ENPP3: variants seen among roughly 807,000 people sequenced by gnomAD.
ENPP3 encodes ectonucleotide pyrophosphatase/phosphodiesterase family member 3.
A neutral mutation model predicts 117.8 loss-of-function variants in ENPP3; 104 were observed. That is an observed-to-expected ratio of 0.88 (90% confidence interval 0.75 to 1.04). The LOEUF is 1.04. Ranked by LOEUF, ENPP3 falls within the 50% of genes least tolerant of loss-of-function variation. The pLI is 0.00. For missense variants in ENPP3, 1,026 were observed against 1,051.9 expected, an observed-to-expected ratio of 0.98 and a Z score of 0.34; for synonymous variants, 380 against 349.9, an observed-to-expected ratio of 1.09 and a Z score of -0.96.
chr6:131,652,972 G>T, intron 5 of ENPP3, 81 bp downstream of exon 5: 1 of 918,664 alleles, frequency 1.1e-6, no homozygotes, highest in Non-Finnish European at 1.8e-6. Flanking sequence ...GACGCAGAGA[G>T]GAATTTCCCC....
chr6:131,687,569 C>T (rs1350275110), intron 14 of ENPP3, among the ~76,000 whole-genome samples: 1 of 152,016 alleles, frequency 6.6e-6, no homozygotes, highest in Non-Finnish European at 1.5e-5. Context: ...GAGCAAACAG[C>T]CTACAGAATG....
rs759486461 is a variant in ENPP3 at position 131,722,400 on chromosome 6, C to G, written c.1741C>G (p.Gln581Glu). Residue 581 changes from glutamine (Q) to glutamate (E), a missense_variant, in exon 18 of 25, where the codon CAA (glutamine) becomes GAA (glutamate). Gln to Glu is a conservative substitution (Grantham distance 29). Transcript: ENST00000357639. ...ESLDCFCPHL[Q>E]NSTQLEQVNQ... Reference sequence around the variant, plus strand: ...TCTTGACTGTTTCTGCCCTCACCTACAAAATGTAAGTAACAACTTCATGCA... The same window carrying G: ...TCTTGACTGTTTCTGCCCTCACCTAGAAAATGTAAGTAACAACTTCATGCA... The G allele has an allele frequency of 1.1e-5, 17 of 1,612,590 alleles. No homozygotes were observed. The highest frequency in any genetic ancestry group is 1.4e-5 in the Non-Finnish European group (17 of 1,179,468).
At chr6:131,688,818 G>C (rs553825045) in intron 14 of ENPP3, among the ~76,000 whole-genome samples, 1 of 150,800 alleles carries the variant, frequency 6.6e-6, no homozygotes, top group Non-Finnish European at 1.5e-5. Flanking sequence ...TTGGGAGGCC[G>C]AGGCAGGTGG....
intron 6 of ENPP3, among the ~76,000 whole-genome samples, chr6:131,666,805 G>C (rs1300892330): frequency 6.6e-6 from 1 of 152,170 alleles, no homozygotes; most frequent in East Asian, 1.9e-4. Flanking sequence ...GTTGACATCT[G>C]CACGTTGGAC....
chr6:131,683,228 C>A, intron 12 of ENPP3, 66 bp downstream of exon 12: 3 of 860,548 alleles, frequency 3.5e-6, no homozygotes, highest in Non-Finnish European at 5.7e-6. Context: ...AAATCATACA[C>A]AAATAATAGT....
intron 11 of ENPP3, among the ~76,000 whole-genome samples, chr6:131,678,907 C>CCCTTTCTT (rs1778931816): frequency 1.4e-5 from 1 of 71,720 alleles, no homozygotes; most frequent in Non-Finnish European, 3.0e-5. Context: ...CTTTCTTTCT[C>CCCTTTCTT]TCTTTCTTTC....
chr6:131,642,609 G>A (rs1221512003), intron 2 of ENPP3, among the ~76,000 whole-genome samples: 5 of 152,114 alleles, frequency 3.3e-5, no homozygotes, highest in African/African-American at 1.2e-4. Context: ...GTCTCACTTT[G>A]TTGCTCAGGC....
At chr6:131,725,522 A>G (rs923567084) in intron 19 of ENPP3, among the ~76,000 whole-genome samples, 1 of 152,120 alleles carries the variant, frequency 6.6e-6, no homozygotes, top group African/African-American at 2.4e-5. Flanking sequence ...CACCTCCTAA[A>G]GGTCCCACCT....
chr6:131,684,258 A>G (rs1203872765), intron 12 of ENPP3, among the ~76,000 whole-genome samples: 1 of 152,248 alleles, frequency 6.6e-6, no homozygotes, highest in East Asian at 1.9e-4. Flanking sequence ...GAGCATCCAG[A>G]TAATGGGAAA....
At chr6:131,652,781 C>T (rs957809336) in intron 4 of ENPP3, 50 bp from the exon 5 acceptor site, 1 of 1,587,860 alleles carries the variant, frequency 6.3e-7, no homozygotes. Flanking sequence ...TCTTTAGTTA[C>T]TCTGTCTGTG....
rs985239394 is a variant in ENPP3 at position 131,662,847 on chromosome 6, C to T, written c.562+4427C>T. Among the ~76,000 whole-genome samples, 42 of 152,036 alleles carry T rather than the reference C, an allele frequency of 2.8e-4. 1 individual carries two copies. Among genetic ancestry groups the T allele is most frequent in the Admixed American group, 2.0e-4 (3 of 15,254 alleles). ...TGAGGTGTCTTTCCATTTGTTTATA[C>T]GTCTTCCTTAACTTCTTTTCCCAAT... is the stretch of plus-strand genomic sequence containing the variant. On this transcript the variant is annotated intron_variant, in intron 6 of 24. Coordinates refer to ENST00000357639, the MANE Select transcript of ENPP3 (RefSeq NM_005021.5).
chr6:131,662,641 A>G (rs909026080), intron 6 of ENPP3, among the ~76,000 whole-genome samples: 7 of 152,092 alleles, frequency 4.6e-5, no homozygotes, highest in Non-Finnish European at 7.4e-5. Context: ...AGGAGCTTTG[A>G]TGTCTTCAGC....
At chr6:131,662,488 G>A (rs1778524198) in intron 6 of ENPP3, among the ~76,000 whole-genome samples, 1 of 152,150 alleles carries the variant, frequency 6.6e-6, no homozygotes, top group African/African-American at 2.4e-5. Flanking sequence ...GCTTGCCTTG[G>A]CCTCTCAAAG....
At position 131,677,927 on chromosome 6, in the gene ENPP3, C is replaced by G; in HGVS notation, c.998C>G (p.Pro333Arg). 1 of 1,603,670 alleles carries G rather than the reference C, an allele frequency of 6.2e-7. No individual in the cohort carries two copies. Among genetic ancestry groups the G allele is most frequent in the Non-Finnish European group, 8.5e-7 (1 of 1,171,220 alleles). ...EPDSSGHAGGPVSARVIKALQ... is the reference protein window; with the variant it reads ...EPDSSGHAGGRVSARVIKALQ... ...GATTCCTCTGGACATGCAGGTGGAC[C>G]AGTCAGTGCCAGAGTAAGTTGTTGT... The change falls in exon 11 of 25, where the codon CCA becomes CGA. Residue 333 changes from proline to arginine, a missense_variant. Physicochemically the swap from Pro to Arg is moderately radical, Grantham distance 103. Transcript: ENST00000357639.
At chr6:131,739,109 A>G (rs1028668269) in intron 23 of ENPP3, among the ~76,000 whole-genome samples, 1 of 152,208 alleles carries the variant, frequency 6.6e-6, no homozygotes, top group Non-Finnish European at 1.5e-5. Context: ...CCCCAGTTAG[A>G]GTTAAGGAAA....
Position 131,638,973 on chromosome 6 carries a change from C to T in ENPP3, c.78+1511C>T, listed in dbSNP as rs1777984330. On this transcript the variant is annotated intron_variant, in intron 1 of 24. Transcript: ENST00000357639. ...CAGTGCACTAGCCTGTTTCAAATGCCTGCTTCCTGACTCCTGACTCAGTAC... is the reference window on the plus strand; with the variant it reads ...CAGTGCACTAGCCTGTTTCAAATGCTTGCTTCCTGACTCCTGACTCAGTAC... Among the ~76,000 whole-genome samples the T allele has an allele frequency of 2.0e-5, 3 of 151,988 alleles. No individual in the cohort carries two copies. The South Asian group carries it at 6.2e-4, about 32-fold the overall frequency.
chr6:131,692,083 C>G (rs201961172), intron 14 of ENPP3, among the ~76,000 whole-genome samples: 1 of 130,380 alleles, frequency 7.7e-6, no homozygotes, highest in Admixed American at 9.3e-5. Flanking sequence ...TCTTATTTTT[C>G]TTATCTAAAT....
intron 14 of ENPP3, among the ~76,000 whole-genome samples, chr6:131,688,154 T>C (rs1412149516): frequency 6.6e-6 from 1 of 152,172 alleles, no homozygotes; most frequent in Non-Finnish European, 1.5e-5. Context: ...GATGTTACTA[T>C]TGTAATTGTT....
At chr6:131,641,319 G>T in intron 1 of ENPP3, 136 bp from the exon 2 acceptor site, 1 of 497,528 alleles carries the variant, frequency 2.0e-6, no homozygotes, top group Non-Finnish European at 3.7e-6. Context: ...CCAGATACTA[G>T]ATCATTGTTG....
Sources: gnomAD v4.1 joint callset for allele counts (sites outside exome capture counted in the v4.1 genomes callset) on GRCh38, gnomAD v4.1.1 for gene constraint, MANE v1.5 for transcripts, NCBI Gene and HGNC (gene_info 2026-07-23, HGNC 2026-07-21) for gene names.